The following CXXC5 variants were observed in gnomAD, a reference collection of about 807,000 sequenced individuals.
CXXC5 encodes CXXC finger protein 5, also known as CXXC-type zinc finger protein 5.
A neutral mutation model predicts 17.6 loss-of-function variants in CXXC5; 2 were observed. The ratio of observed to expected loss-of-function variants is 0.11; its 90% CI spans 0.05 to 0.36. The LOEUF (loss-of-function observed/expected upper bound fraction) is 0.36. Among genes scored for constraint, CXXC5 ranks in the 10% least tolerant of loss-of-function variants. CXXC5 has a pLI of 1.00. For synonymous variants in CXXC5, 171 were observed against 193.0 expected (o/e 0.89, Z 0.94); for missense variants, 343 against 458.3 (o/e 0.75, Z 2.30).
chr5:139,679,665 CTTATTT>C (rs1757068206), intron 1 of CXXC5: 1 of 152,018 alleles, frequency 6.6e-6, no homozygotes, highest in African/African-American at 2.4e-5. Context: ...TGGTTTTTTT[CTTATTT>C]TTATTTTTTT....
rs778460948 is a variant in CXXC5, at chr5:139,680,691, C to A, written c.168C>A (p.Pro56=). 18 of 1,613,360 alleles carry A rather than the reference C, an allele frequency of 1.1e-5. No homozygotes were observed. The highest frequency in any genetic ancestry group is 1.4e-5 in the Non-Finnish European group (16 of 1,180,024). Residue 56 remains proline, a synonymous_variant, in exon 2 of 3, where the codon CCC becomes CCA. Coordinates refer to ENST00000302517, the MANE Select transcript of CXXC5 (RefSeq NM_016463.9). ...PASVADDTPP[P]ERRNKSGIIS... is the part of the protein sequence containing the mutation. Reference sequence around the variant, plus strand: ...CAGTGGCAGATGACACACCACCCCCCGAGCGTCGGAACAAGAGCGGTATCA... The same window carrying A: ...CAGTGGCAGATGACACACCACCCCCAGAGCGTCGGAACAAGAGCGGTATCA...
chr5:139,681,373 C>A lies in CXXC5; in HGVS notation c.850C>A (p.Arg284=), dbSNP rs771380020. 3 of 1,596,120 alleles carry A rather than the reference C, an allele frequency of 1.9e-6. No homozygotes were observed. The highest frequency in any genetic ancestry group is 1.3e-5 in the African/African-American group (1 of 74,538). ...NCEQCSSCRN[R]KTGHQICKFR... ...CGAGCAGTGCAGCAGTTGTAGGAAT[C>A]GAAAGACTGGCCATCAGATTTGCAA... is the stretch of plus-strand genomic sequence containing the variant. Residue 284 remains arginine, a synonymous_variant, in exon 2 of 3, where the codon CGA becomes AGA. Coordinates refer to ENST00000302517, the MANE Select transcript of CXXC5 (RefSeq NM_016463.9).
rs377353681 is a variant in CXXC5 at position 139,681,219 on chromosome 5, G to A, written c.696G>A (p.Glu232=). The change falls in exon 2 of 3, where the codon GAG becomes GAA. Residue 232 remains glutamate, a synonymous_variant. Transcript: ENST00000302517. ...CCCCGGCAGGTGTGTTCCTGGCCGAGAGCGCGCTGCACATGGCGGGCCTGG... is the reference window on the plus strand; with the variant it reads ...CCCCGGCAGGTGTGTTCCTGGCCGAAAGCGCGCTGCACATGGCGGGCCTGG... ...IMTPAGVFLA[E]SALHMAGLAE... 1.9e-6 allele frequency: 3 copies of A among 1,612,496 alleles called. No homozygotes were observed. Among genetic ancestry groups the A allele is most frequent in the East Asian group, 2.2e-5 (1 of 44,872 alleles).
Position 139,658,899 on chromosome 5 carries a change from C to A in CXXC5, c.-161+10054C>A, listed in dbSNP as rs975117949. 6.6e-6 allele frequency among the ~76,000 whole-genome samples: 1 copy of A among 152,186 alleles called. No homozygotes were observed. Among genetic ancestry groups the A allele is most frequent in the Non-Finnish European group, 1.5e-5 (1 of 68,038 alleles). ...TGTCATCTAGAGCAGCCTAGCTGGG[C>A]GTTTGAACCCAGAACACTGAGAGAT... is the stretch of plus-strand genomic sequence containing the variant. On this transcript the variant is annotated intron_variant, in intron 1 of 2. Coordinates refer to ENST00000302517, the MANE Select transcript of CXXC5 (RefSeq NM_016463.9). This position sits in a 1 kb window ranked among gnomAD's most constrained non-coding sequence, Gnocchi z 4.1.
In CXXC5 at chr5:139,681,375, A is replaced by C; in HGVS notation, c.852A>C (p.Arg284=). 1 of 1,595,174 alleles carries C rather than the reference A, an allele frequency of 6.3e-7. No homozygotes were observed. Among genetic ancestry groups the C allele is most frequent in the African/African-American group, 1.3e-5 (1 of 74,520 alleles). The change falls in exon 2 of 3, where the codon CGA becomes CGC. Residue 284 remains arginine, a synonymous_variant. Transcript: ENST00000302517. ...AGCAGTGCAGCAGTTGTAGGAATCG[A>C]AAGACTGGCCATCAGATTTGCAAAT... is the stretch of plus-strand genomic sequence containing the variant. The part of the protein sequence containing the change: ...NCEQCSSCRN[R]KTGHQICKFR...
At chr5:139,652,169 CGCGTGTGT>C (rs1457056897) in intron 1 of CXXC5, among the ~76,000 whole-genome samples, 14 of 140,068 alleles carry the variant, frequency 1.0e-4, no homozygotes, top group East Asian at 2.2e-4. Flanking sequence ...CGCGCGCGCG[CGCGTGTGT>C]GTGTGTGTGT....
intron 2 of CXXC5, among the ~76,000 whole-genome samples, chr5:139,682,002 T>A (rs1037427457): frequency 2.6e-5 from 4 of 152,136 alleles, no homozygotes; most frequent in Non-Finnish European, 5.9e-5. Context: ...GGCACCTAGT[T>A]GACAGATTTT....
intron 1 of CXXC5, among the ~76,000 whole-genome samples, chr5:139,667,780 T>G (rs1201959018): frequency 1.3e-5 from 2 of 152,194 alleles, no homozygotes; most frequent in Non-Finnish European, 2.9e-5. Flanking sequence ...AAAACAGATC[T>G]TAGTGTTTGG....
chr5:139,671,358 C>A (rs1050854340), intron 1 of CXXC5, among the ~76,000 whole-genome samples: 2 of 152,176 alleles, frequency 1.3e-5, no homozygotes, highest in Admixed American at 6.5e-5. Context: ...CTCCAGGCCC[C>A]CAGGGTCTCT....
chr5:139,678,121 C>G (rs761975753), intron 1 of CXXC5, among the ~76,000 whole-genome samples: 1 of 152,230 alleles, frequency 6.6e-6, no homozygotes, highest in Non-Finnish European at 1.5e-5. Context: ...ATCTGGGCTG[C>G]CGGGGTTGTC....
rs1756243724 is a variant in CXXC5 at position 139,668,425 on chromosome 5, G to C, written c.-160-11939G>C. ...GGCCGCGTCTGCCGCCCCGGCGCCC[G>C]CCCGGGTCCCAGGCCGACTAATTAG... On this transcript the variant is annotated intron_variant, in intron 1 of 2. Transcript: ENST00000302517. This position sits in a 1 kb window ranked among gnomAD's most constrained non-coding sequence, Gnocchi z 4.1. 6.6e-6 allele frequency among the ~76,000 whole-genome samples: 1 copy of C among 151,958 alleles called. No individual in the cohort carries two copies. The highest frequency in any genetic ancestry group is 2.4e-5 in the African/African-American group (1 of 41,382).
intron 1 of CXXC5, among the ~76,000 whole-genome samples, chr5:139,654,817 T>C (rs756474022): frequency 3.3e-5 from 5 of 152,076 alleles, no homozygotes; most frequent in African/African-American, 4.8e-5. Flanking sequence ...TAGGGTGGGG[T>C]AGAGCTGGTG....
Position 139,663,098 on chromosome 5 carries a change from T to C in CXXC5, c.-161+14253T>C, listed in dbSNP as rs1468092115. On this transcript the variant is annotated intron_variant, in intron 1 of 2. Transcript: ENST00000302517. This position sits in a 1 kb window ranked among gnomAD's most constrained non-coding sequence, Gnocchi z 4.2. ...AGATGGGGATGCTGAGGTACCTGAG[T>C]GAAGAGGCTGAGCTGGGGGCCAGGG... is the stretch of plus-strand genomic sequence containing the variant. Among the ~76,000 whole-genome samples, 3 of 149,666 alleles carry C rather than the reference T, an allele frequency of 2.0e-5. No individual in the cohort carries two copies. Among genetic ancestry groups the C allele is most frequent in the Non-Finnish European group, 4.4e-5 (3 of 67,462 alleles).
At position 139,683,503 on chromosome 5, in the gene CXXC5, G is replaced by C. The variant is rs1429896713; in HGVS notation, c.*596G>C. ...AGCTGCCAGCAGGGAGCTCACAGAA[G>C]GGGAGGGAGCACCAGGCCAGCTGAG... On this transcript the variant is annotated 3_prime_UTR_variant, in exon 3 of 3. Coordinates refer to ENST00000302517, the MANE Select transcript of CXXC5 (RefSeq NM_016463.9). 1 of 152,372 alleles carries C rather than the reference G, an allele frequency of 6.6e-6. No homozygotes were observed. The highest frequency in any genetic ancestry group is 1.5e-5 in the Non-Finnish European group (1 of 68,032). The allele number at this position is 152,372 out of a possible 1,614,324, so 9.4% of individuals were successfully genotyped here.
intron 1 of CXXC5, chr5:139,649,643 C>T (rs1008117156): frequency 4.6e-5 from 7 of 152,314 alleles, no homozygotes; most frequent in Non-Finnish European, 8.8e-5. Context: ...CCCTCCCTCC[C>T]TCCTTTCCCA....
Position 139,668,346 on chromosome 5 carries a change from C to G in CXXC5, c.-160-12018C>G, listed in dbSNP as rs971846006. On this transcript the variant is annotated intron_variant, in intron 1 of 2. Coordinates refer to ENST00000302517, the MANE Select transcript of CXXC5 (RefSeq NM_016463.9). The surrounding 1 kb of genome is among the most constrained non-coding windows in gnomAD (Gnocchi z 4.1). ...CGTCCCGCCGCGGCTCAGGGCGCCT[C>G]CCGGCTCCCTGCCGCCTCCCAGCCG... Among the ~76,000 whole-genome samples, 1 of 152,066 alleles carries G rather than the reference C, an allele frequency of 6.6e-6. No individual in the cohort carries two copies. The highest frequency in any genetic ancestry group is 1.9e-4 in the East Asian group (1 of 5,196).
chr5:139,681,237 G>A lies in CXXC5; in HGVS notation c.714G>A (p.Ala238=), dbSNP rs371318261. ...VFLAESALHM[A]GLAEYPMQGE... is the part of the protein sequence containing the mutation. ...TGGCCGAGAGCGCGCTGCACATGGC[G>A]GGCCTGGCTGAGTACCCCATGCAGG... The change falls in exon 2 of 3, where the codon GCG becomes GCA. Residue 238 remains alanine (A), a synonymous_variant. Coordinates refer to ENST00000302517, the MANE Select transcript of CXXC5 (RefSeq NM_016463.9). The A allele has an allele frequency of 1.7e-4, 275 of 1,612,004 alleles. 1 individual carries two copies. In the South Asian group the frequency reaches 2.4e-3, roughly 14 times the overall value.
At chr5:139,675,738 C>G (rs1313067111) in intron 1 of CXXC5, among the ~76,000 whole-genome samples, 1 of 152,172 alleles carries the variant, frequency 6.6e-6, no homozygotes, top group Non-Finnish European at 1.5e-5. Flanking sequence ...TTCCTCATGT[C>G]TGAAATTGGC....
chr5:139,650,577 A>G (rs573538324), intron 1 of CXXC5, among the ~76,000 whole-genome samples: 8 of 152,102 alleles, frequency 5.3e-5, no homozygotes, highest in African/African-American at 1.9e-4. Flanking sequence ...ACTTGTTTGG[A>G]GCGCGATTTG....
Sources: gnomAD v4.1 joint callset for allele counts (sites outside exome capture counted in the v4.1 genomes callset) on GRCh38, gnomAD v4.1.1 for gene constraint, Gnocchi (gnomAD v3.1) non-coding constraint, MANE v1.5 for transcripts, NCBI Gene and HGNC (gene_info 2026-07-23, HGNC 2026-07-21) for gene names.